Variants in HCFC2 observed in about 807,000 individuals in gnomAD.
HCFC2 encodes host cell factor 2.
Under a neutral mutation model 89.2 loss-of-function variants are expected in HCFC2, and 18 were observed. That is an observed-to-expected ratio of 0.20 (90% CI 0.14 to 0.30). HCFC2 has a LOEUF of 0.30. Ranked by LOEUF, HCFC2 falls within the 10% of genes least tolerant of loss-of-function variation. The pLI, the probability that HCFC2 is intolerant of heterozygous loss-of-function variation, is 1.00. For synonymous variants in HCFC2, 308 were observed against 335.7 expected (o/e 0.92, Z 0.90); for missense variants, 578 against 956.1 (o/e 0.60, Z 5.21).
intron 13 of HCFC2, among the ~76,000 whole-genome samples, chr12:104,099,338 C>T (rs944327115): frequency 6.6e-6 from 1 of 152,174 alleles, no homozygotes; most frequent in Non-Finnish European, 1.5e-5. Context: ...GATTACAATT[C>T]TACATGAGAT....
At chr12:104,077,268 A>T in intron 3 of HCFC2, among the ~76,000 whole-genome samples, 2 of 147,584 alleles carry the variant, frequency 1.4e-5, no homozygotes, top group African/African-American at 2.5e-5. Flanking sequence ...TTTGAGACGG[A>T]GTCTCGTTGT....
At chr12:104,066,354 T>C (rs368971689) in intron 2 of HCFC2, 39 bp downstream of exon 2, 6 of 1,456,922 alleles carry the variant, frequency 4.1e-6, no homozygotes, top group Non-Finnish European at 4.6e-6. Flanking sequence ...GAGGCTTTAA[T>C]AATGATATTG....
intron 7 of HCFC2, 123 bp from the exon 8 acceptor site, chr12:104,086,724 G>C (rs1204174359): frequency 2.8e-6 from 2 of 705,230 alleles, no homozygotes; most frequent in African/African-American, 3.6e-5. Flanking sequence ...AACTTTCCCT[G>C]TCTTGGTAAG....
Position 104,093,569 on chromosome 12 carries a change from T to C in HCFC2, c.1462+6T>C, listed in dbSNP as rs746561898. 1.3e-5 allele frequency: 21 copies of C among 1,588,998 alleles called. 2 individuals are homozygous for C. The South Asian group carries it at 2.4e-4, about 18-fold the overall frequency. ...TATGCTAAGGAAAAATGAAGGTATA[T>C]GGATGACATTTTAAACTAAAGCTTT... On this transcript the variant is annotated splice_donor_region_variant and intron_variant, in intron 10 of 14. Transcript: ENST00000229330.
At chr12:104,091,466 A>C (rs1375537488) in intron 9 of HCFC2, among the ~76,000 whole-genome samples, 2 of 152,186 alleles carry the variant, frequency 1.3e-5, no homozygotes, top group Middle Eastern at 3.4e-3. Context: ...CTTATCTACT[A>C]TTTTCTCTTC....
chr12:104,073,605 T>G (rs1883407376), intron 3 of HCFC2, among the ~76,000 whole-genome samples: 1 of 152,226 alleles, frequency 6.6e-6, no homozygotes, highest in Non-Finnish European at 1.5e-5. Context: ...TATATTTTCT[T>G]CTAGTTCATT....
chr12:104,070,928 C>T (rs996397985), intron 3 of HCFC2, among the ~76,000 whole-genome samples: 2 of 151,830 alleles, frequency 1.3e-5, no homozygotes, highest in Admixed American at 6.6e-5. Context: ...CCTCAGCCTC[C>T]CGAGTAGCTG....
chr12:104,092,529 T>A (rs1566234241), intron 9 of HCFC2, among the ~76,000 whole-genome samples: 1 of 151,984 alleles, frequency 6.6e-6, no homozygotes, highest in Non-Finnish European at 1.5e-5. Context: ...TCTCAGCACT[T>A]TGGGAGGCTG....
chr12:104,080,661 C>G (rs1326570520), intron 4 of HCFC2, 85 bp from the exon 5 acceptor site: 5 of 755,772 alleles, frequency 6.6e-6, no homozygotes, highest in Middle Eastern at 2.7e-4. Context: ...TTGGTAAGTC[C>G]TTGTTTTATT....
In HCFC2 at chr12:104,082,782, G is replaced by T; in HGVS notation, c.944G>T (p.Arg315Ile). 1 of 1,614,050 alleles carries T rather than the reference G, an allele frequency of 6.2e-7. No individual in the cohort carries two copies. Among genetic ancestry groups the T allele is most frequent in the Non-Finnish European group, 8.5e-7 (1 of 1,179,996 alleles). Residue 315 changes from arginine (R) to isoleucine (I), a missense_variant, in exon 7 of 15, where the codon AGA becomes ATA. Around this residue, in one of 4 missense-constraint regions of HCFC2, gnomAD observed 206 missense variants for 419.2 expected, o/e 0.49. Coordinates refer to ENST00000229330, the MANE Select transcript of HCFC2 (RefSeq NM_013320.3). ...EDKKNSRPRPRAGHCAVAIGT... is the reference protein window; with the variant it reads ...EDKKNSRPRPIAGHCAVAIGT... ...AAAAAAAATTCAAGACCAAGACCAAGAGCTGGCCACTGTGCTGTTGCAATC... is the reference window on the plus strand; with the variant it reads ...AAAAAAAATTCAAGACCAAGACCAATAGCTGGCCACTGTGCTGTTGCAATC...
intron 13 of HCFC2, among the ~76,000 whole-genome samples, chr12:104,101,236 C>G (rs1009362070): frequency 6.6e-6 from 1 of 152,202 alleles, no homozygotes; most frequent in African/African-American, 2.4e-5. Context: ...GTAATCCCAG[C>G]ACTTTGGGAG....
chr12:104,070,930 G>A (rs569469802), intron 3 of HCFC2, among the ~76,000 whole-genome samples: 3 of 149,008 alleles, frequency 2.0e-5, no homozygotes, highest in South Asian at 4.3e-4. Flanking sequence ...TCAGCCTCCC[G>A]AGTAGCTGGG....
intron 14 of HCFC2, 128 bp downstream of exon 14, chr12:104,102,281 T>C: frequency 1.2e-6 from 1 of 804,994 alleles, no homozygotes; most frequent in Non-Finnish European, 1.9e-6. Flanking sequence ...AGGATGGATT[T>C]AAAGTTTAAA....
Position 104,064,650 on chromosome 12 carries a change from C to T in HCFC2, c.90C>T (p.Ala30=), listed in dbSNP as rs771613875. Residue 30 remains alanine, a synonymous_variant, in exon 1 of 15, where the codon GCC becomes GCT. Transcript: ENST00000229330. This position sits in a 1 kb window ranked among gnomAD's most constrained non-coding sequence, Gnocchi z 7.3. ...CCCGGCACGGACACCGAGCGGTGGC[C>T]ATCCGGGAGCTGATGATCATCTTTG... ...PRARHGHRAV[A]IRELMIIFGG... is the part of the protein sequence containing the mutation. 1 of 1,579,964 alleles carries T rather than the reference C, an allele frequency of 6.3e-7. No homozygotes were observed. Among genetic ancestry groups the T allele is most frequent in the African/African-American group, 1.4e-5 (1 of 71,548 alleles).
chr12:104,065,619 C>A (rs954022275), intron 1 of HCFC2, among the ~76,000 whole-genome samples: 1 of 151,996 alleles, frequency 6.6e-6, no homozygotes, highest in Admixed American at 6.6e-5. Flanking sequence ...TTTTTTCACC[C>A]TCTCCTCCTC....
At chr12:104,096,275 G>A in intron 11 of HCFC2, 85 bp from the exon 12 acceptor site, 4 of 854,066 alleles carry the variant, frequency 4.7e-6, no homozygotes, top group Non-Finnish European at 7.0e-6. Flanking sequence ...TACAGTTGGT[G>A]GCATTAAATA....
rs565356358 is a variant in HCFC2, at chr12:104,068,447, T to C, written c.473+340T>C. On this transcript the variant is annotated intron_variant, in intron 3 of 14. Transcript: ENST00000229330. The surrounding 1 kb of genome is among the most constrained non-coding windows in gnomAD (Gnocchi z 4.1). ...ATTTTAGCTGCCTCATAAATGATAA[T>C]GAAAAGTAACAGATGGTTATTTTAA... Among the ~76,000 whole-genome samples, 5 of 152,298 alleles carry C rather than the reference T, an allele frequency of 3.3e-5. No individual in the cohort carries two copies. The East Asian group carries it at 9.6e-4, about 29-fold the overall frequency.
Position 104,064,760 on chromosome 12 carries a change from G to T in HCFC2, c.163+37G>T. On this transcript the variant is annotated intron_variant, in intron 1 of 14. Coordinates refer to ENST00000229330, the MANE Select transcript of HCFC2 (RefSeq NM_013320.3). This position sits in a 1 kb window ranked among gnomAD's most constrained non-coding sequence, Gnocchi z 7.3. ...GGCGGCTCGTCGGCCCCGCCTGCTG[G>T]AGCTGCGGAGGGGGAGGGGAGGCGA... is the stretch of plus-strand genomic sequence containing the variant. The T allele has an allele frequency of 6.5e-7, 1 of 1,535,484 alleles. No homozygotes were observed. The highest frequency in any genetic ancestry group is 8.7e-7 in the Non-Finnish European group (1 of 1,143,500).
At position 104,103,992 on chromosome 12, in the gene HCFC2, T is replaced by A. The variant is rs1490192649; in HGVS notation, c.*719T>A. The A allele has an allele frequency of 1.3e-5, 2 of 152,084 alleles. No homozygotes were observed. The highest frequency in any genetic ancestry group is 1.3e-4 in the Admixed American group (2 of 15,264). 9.4% of individuals were successfully genotyped at this position (152,084 alleles called of 1,614,324 possible). On this transcript the variant is annotated 3_prime_UTR_variant, in exon 15 of 15. Transcript: ENST00000229330. ...ACTTATCTGGCCCTCATTTTCCTCA[T>A]AACAGATGAGGGAGTTAAAGCAGTT...
Sources: allele counts gnomAD v4.1 joint callset (sites outside exome capture counted in the v4.1 genomes callset), GRCh38; gene constraint gnomAD v4.1.1; regional missense constraint gnomAD v4.1.1; non-coding constraint Gnocchi (gnomAD v3.1); transcripts MANE v1.5; gene names NCBI Gene and HGNC (gene_info 2026-07-23, HGNC 2026-07-21).